Variants in CA8 observed in about 807,000 individuals in gnomAD.
CA8 encodes the protein carbonic anhydrase-related protein.
Under a neutral mutation model 41.4 loss-of-function variants are expected in CA8, and 22 were observed. The observed-to-expected ratio is 0.53, with a 90% CI of 0.38 to 0.76. CA8 has a LOEUF of 0.76. CA8 is among the 30% of genes least tolerant of loss of function. The pLI is 0.00. For synonymous variants in CA8, 121 were observed against 130.6 expected, an observed-to-expected ratio of 0.93 and a Z score of 0.50; for missense variants, 270 against 352.8, an observed-to-expected ratio of 0.77 and a Z score of 1.88.
At chr8:60,191,224 A>G (rs939500057) in intron 8 of CA8, among the ~76,000 whole-genome samples, 2 of 152,172 alleles carry the variant, frequency 1.3e-5, no homozygotes, top group Non-Finnish European at 1.5e-5. Flanking sequence ...GTTTTAAAAT[A>G]TATACACATT....
At chr8:60,192,133 T>C (rs1165671845) in intron 8 of CA8, among the ~76,000 whole-genome samples, 1 of 152,096 alleles carries the variant, frequency 6.6e-6, no homozygotes, top group Non-Finnish European at 1.5e-5. Flanking sequence ...ATGATGATGA[T>C]CTTATTAGCT....
intron 8 of CA8, chr8:60,208,102 G>A (rs1806701588): frequency 6.6e-6 from 1 of 152,290 alleles, no homozygotes; most frequent in African/African-American, 2.4e-5. Context: ...TCTCTTCCGT[G>A]TTTGTGATAT....
At chr8:60,261,351 C>T (rs546829184) in intron 3 of CA8, among the ~76,000 whole-genome samples, 6 of 152,252 alleles carry the variant, frequency 3.9e-5, no homozygotes, top group African/African-American at 1.4e-4. Flanking sequence ...GCAACAGATG[C>T]TCTTTAAATA....
At chr8:60,206,514 T>G (rs1000634452) in intron 8 of CA8, among the ~76,000 whole-genome samples, 1 of 152,158 alleles carries the variant, frequency 6.6e-6, no homozygotes, top group Non-Finnish European at 1.5e-5. Flanking sequence ...ACAGGGAGTA[T>G]ACTAACTAAA....
Position 60,238,635 on chromosome 8 carries a change from T to C in CA8, c.418-6256A>G, listed in dbSNP as rs866054493. ...CCTCTCCTGGGCCCTGGCATTTACA[T>C]TATGAAGCCCGACTAATCTCTTTTT... is the stretch of plus-strand genomic sequence containing the variant. On this transcript the variant is annotated intron_variant, in intron 3 of 8. Coordinates refer to ENST00000317995, the MANE Select transcript of CA8 (RefSeq NM_004056.6). 2.6e-5 allele frequency among the ~76,000 whole-genome samples: 4 copies of C among 152,272 alleles called. No homozygotes were observed. In the South Asian group the frequency reaches 8.3e-4, roughly 32 times the overall value.
chr8:60,215,760 G>C (rs1204774279), intron 7 of CA8, among the ~76,000 whole-genome samples: 2 of 152,022 alleles, frequency 1.3e-5, no homozygotes, highest in Non-Finnish European at 2.9e-5. Context: ...ATAGTACTCA[G>C]GACAATGTAT....
Position 60,281,326 on chromosome 8 carries a change from G to C in CA8, c.-179C>G, listed in dbSNP as rs1372924632. 1 of 604,796 alleles carries C rather than the reference G, an allele frequency of 1.7e-6. No homozygotes were observed. 37.5% of individuals were successfully genotyped at this position (604,796 alleles called of 1,614,324 possible). A position where few individuals can be genotyped will look rare whatever the true frequency, so the allele number is the denominator to read the frequency against. On this transcript the variant is annotated 5_prime_UTR_variant, in exon 1 of 9. Transcript: ENST00000317995. ...TGTGAGTGCAAGCAGGCGTGCGTTC[G>C]GACCGAGTGTTCCAGAGACCCGCGT...
At chr8:60,279,643 C>T in intron 2 of CA8, 46 bp downstream of exon 2, 1 of 1,516,340 alleles carries the variant, frequency 6.6e-7, no homozygotes, top group East Asian at 2.3e-5. Context: ...TAACTCTACG[C>T]TGACTTCTAG....
chr8:60,249,907 T>G (rs1808387077), intron 3 of CA8, among the ~76,000 whole-genome samples: 1 of 152,210 alleles, frequency 6.6e-6, no homozygotes, highest in Non-Finnish European at 1.5e-5. Context: ...ATGGATTGAT[T>G]ACTGATGTGG....
At chr8:60,219,942 A>AC (rs1554520139) in intron 7 of CA8, among the ~76,000 whole-genome samples, 1 of 133,556 alleles carries the variant, frequency 7.5e-6, no homozygotes, top group Non-Finnish European at 1.7e-5. Flanking sequence ...AAAAAAAAAA[A>AC]AAAAAAAAAA....
chr8:60,247,556 T>A (rs911416891), intron 3 of CA8, among the ~76,000 whole-genome samples: 1 of 152,234 alleles, frequency 6.6e-6, no homozygotes. Flanking sequence ...GTTTCCAGCT[T>A]CATCCATGTC....
At chr8:60,221,796 T>C (rs1807261117) in intron 7 of CA8, among the ~76,000 whole-genome samples, 1 of 152,164 alleles carries the variant, frequency 6.6e-6, no homozygotes, top group African/African-American at 2.4e-5. Flanking sequence ...GGATTTTTTT[T>C]TAAGATTTAA....
Position 60,266,657 on chromosome 8 carries a change from C to G in CA8, c.293-608G>C, listed in dbSNP as rs541042120. On this transcript the variant is annotated intron_variant, in intron 2 of 8. Coordinates refer to ENST00000317995, the MANE Select transcript of CA8 (RefSeq NM_004056.6). ...ATATTAACAATCCTCAAAATATTAA[C>G]ATCAGTCCCACAGGACCATGTCTCT... Among the ~76,000 whole-genome samples, 41 of 152,292 alleles carry G rather than the reference C, an allele frequency of 2.7e-4. 1 individual carries two copies. In the Middle Eastern group the frequency reaches 0.01, roughly 38 times the overall value.
intron 3 of CA8, among the ~76,000 whole-genome samples, chr8:60,243,674 C>A (rs535350919): frequency 1.3e-5 from 2 of 152,140 alleles, no homozygotes; most frequent in African/African-American, 4.8e-5. Flanking sequence ...CACTAAATCA[C>A]GTTTTCGCCT....
chr8:60,260,154 A>G (rs79487464), intron 3 of CA8, among the ~76,000 whole-genome samples: 4,884 of 152,268 alleles, frequency 0.032, 183 homozygotes, highest in African/African-American at 0.089. Flanking sequence ...CACTGCCTAG[A>G]GCAGAAGTCA....
chr8:60,273,157 C>G (rs1370125124), intron 2 of CA8, among the ~76,000 whole-genome samples: 1 of 152,170 alleles, frequency 6.6e-6, no homozygotes, highest in Non-Finnish European at 1.5e-5. Flanking sequence ...GGATGAAAGG[C>G]TGTCATGTGA....
At chr8:60,273,671 G>A (rs914554011) in intron 2 of CA8, among the ~76,000 whole-genome samples, 5 of 152,234 alleles carry the variant, frequency 3.3e-5, no homozygotes, top group African/African-American at 9.6e-5. Flanking sequence ...AGAAGTGTCA[G>A]GGAACTGTGT....
At chr8:60,258,823 G>A (rs933852799) in intron 3 of CA8, among the ~76,000 whole-genome samples, 4 of 152,112 alleles carry the variant, frequency 2.6e-5, no homozygotes, top group East Asian at 1.9e-4. Flanking sequence ...TAATGCCACC[G>A]CTGATCCAAC....
chr8:60,242,357 G>C (rs1460171397), intron 3 of CA8, among the ~76,000 whole-genome samples: 1 of 152,124 alleles, frequency 6.6e-6, no homozygotes, highest in Non-Finnish European at 1.5e-5. Flanking sequence ...GGAAATGGAG[G>C]TACAGAAAGT....
Sources: allele counts gnomAD v4.1 joint callset (sites outside exome capture counted in the v4.1 genomes callset), GRCh38; gene constraint gnomAD v4.1.1; transcripts MANE v1.5; gene names NCBI Gene and HGNC (gene_info 2026-07-23, HGNC 2026-07-21).